Variants in DAB1 observed in about 807,000 individuals in gnomAD.
The protein encoded by DAB1 is disabled homolog 1.
DAB1 carries 15 observed loss-of-function variants against 64.6 expected under a neutral mutation model. The ratio of observed to expected loss-of-function variants is 0.23; its 90% CI spans 0.16 to 0.36. The LOEUF is 0.36. Ranked by LOEUF, DAB1 falls within the 10% of genes least tolerant of loss-of-function variation. DAB1 has a pLI of 1.00. For missense variants in DAB1, 596 were observed against 706.7 expected (o/e 0.84, Z 1.78); for synonymous variants, 235 against 251.9 (o/e 0.93, Z 0.64).
At chr1:58,462,004 A>G (rs1225001201) in intron 3 of DAB1, among the ~76,000 whole-genome samples, 1 of 151,774 alleles carries the variant, frequency 6.6e-6, no homozygotes, top group Non-Finnish European at 1.5e-5. Context: ...TCCATCTGAC[A>G]CTGCAGGCAA....
intron 2 of DAB1, among the ~76,000 whole-genome samples, chr1:57,166,610 A>G (rs1308093846): frequency 6.6e-6 from 1 of 152,136 alleles, no homozygotes; most frequent in African/African-American, 2.4e-5. Flanking sequence ...GTTGTCTGGG[A>G]AAGTTTTGAG....
chr1:57,456,486 G>A (rs181924865), intron 7 of DAB1, among the ~76,000 whole-genome samples: 34 of 152,162 alleles, frequency 2.2e-4, no homozygotes, highest in Admixed American at 1.9e-3. Context: ...AAATAAAAAT[G>A]CTTGATAGAT....
chr1:57,565,615 G>C (rs1229146025), intron 7 of DAB1, among the ~76,000 whole-genome samples: 2 of 152,094 alleles, frequency 1.3e-5, no homozygotes, highest in Non-Finnish European at 2.9e-5. Flanking sequence ...AAAAGGCAGG[G>C]ATTGCAATCC....
In DAB1 at chr1:58,094,585, G is replaced by A. The variant is rs200560604; in HGVS notation, n.387+55926C>T. 1.5e-4 allele frequency among the ~76,000 whole-genome samples: 23 copies of A among 152,284 alleles called. No homozygotes were observed. In the East Asian group the frequency reaches 2.9e-3, roughly 19 times the overall value. On this transcript the variant is annotated intron_variant and non_coding_transcript_variant, in intron 5 of 20. Transcript: ENST00000485760. ...CTGGTTTCTTCAAGTGAAGTTAAAC[G>A]TAGTATCCTCTTCTTAACCACTATT...
intron 1 of DAB1, among the ~76,000 whole-genome samples, chr1:57,394,551 G>A (rs1192603128): frequency 1.3e-5 from 2 of 152,170 alleles, no homozygotes; most frequent in East Asian, 1.9e-4. Flanking sequence ...TTAGGGATTC[G>A]CACAGAAGGA....
chr1:57,613,222 G>A (rs17116122), intron 7 of DAB1, among the ~76,000 whole-genome samples: 3,143 of 152,262 alleles, frequency 0.021, 113 homozygotes, highest in African/African-American at 0.072. Flanking sequence ...TAGTAAAGAA[G>A]TCCAGTTGTG....
At chr1:57,145,690 A>AG (rs1410809133) in intron 2 of DAB1, among the ~76,000 whole-genome samples, 1 of 152,242 alleles carries the variant, frequency 6.6e-6, no homozygotes, top group Admixed American at 6.5e-5. Flanking sequence ...CCACCCCAAC[A>AG]GGGTATTATG....
At chr1:58,116,901 G>A (rs1438781741) in intron 5 of DAB1, among the ~76,000 whole-genome samples, 1 of 152,124 alleles carries the variant, frequency 6.6e-6, no homozygotes, top group African/African-American at 2.4e-5. Context: ...ACAAGGGATG[G>A]TTCTTATTGG....
At chr1:57,666,183 A>G (rs191153526) in intron 6 of DAB1, among the ~76,000 whole-genome samples, 1 of 152,230 alleles carries the variant, frequency 6.6e-6, no homozygotes, top group East Asian at 1.9e-4. Flanking sequence ...GAGCACATTC[A>G]GCTGTAGAAA....
At chr1:57,789,229 C>A (rs1028431224) in intron 6 of DAB1, among the ~76,000 whole-genome samples, 3 of 152,090 alleles carry the variant, frequency 2.0e-5, no homozygotes, top group Non-Finnish European at 4.4e-5. Context: ...AGGGAGAATG[C>A]CAGGTATTCT....
chr1:57,348,493 A>G (rs1416183585), intron 1 of DAB1, among the ~76,000 whole-genome samples: 3 of 152,178 alleles, frequency 2.0e-5, no homozygotes, highest in African/African-American at 7.2e-5. Context: ...CCAGATGCTA[A>G]CTGTGTTTAA....
At chr1:57,847,883 C>T (rs1206524260) in intron 1 of DAB1, among the ~76,000 whole-genome samples, 2 of 152,102 alleles carry the variant, frequency 1.3e-5, no homozygotes, top group African/African-American at 2.4e-5. Flanking sequence ...TACAATGCTC[C>T]AGGCATTGTT....
chr1:58,218,989 TTCTCTCTCTC>T lies in DAB1; in HGVS notation n.310-68411_310-68402del, dbSNP rs1049058578. On this transcript the variant is annotated intron_variant and non_coding_transcript_variant, in intron 4 of 20. Transcript: ENST00000485760. ...GAGTAATCCCCCATAATTCTGGCCA[TTCTCTCTCTC>T]TCTCTCTCTCTCTCTCTCTCTCTCT... Among the ~76,000 whole-genome samples, 4 of 125,852 alleles carry T rather than the reference TTCTCTCTCTC, an allele frequency of 3.2e-5. No homozygotes were observed. In the Admixed American group the frequency reaches 3.2e-4, roughly 10 times the overall value. 82.6% of individuals were successfully genotyped at this position (125,852 alleles called of 152,430 possible). A position where few individuals can be genotyped will look rare whatever the true frequency, so the allele number is the denominator to read the frequency against.
intron 7 of DAB1, among the ~76,000 whole-genome samples, chr1:57,500,609 T>C (rs1041856669): frequency 6.6e-6 from 1 of 152,156 alleles, no homozygotes; most frequent in Non-Finnish European, 1.5e-5. Context: ...AGGGATTTGT[T>C]TGGTAGATGG....
intron 4 of DAB1, among the ~76,000 whole-genome samples, chr1:58,274,082 T>C (rs1248462430): frequency 7.2e-6 from 1 of 138,424 alleles, no homozygotes; most frequent in African/African-American, 2.7e-5. Flanking sequence ...GGAGGAGAGG[T>C]GCTCTGCATT....
intron 4 of DAB1, among the ~76,000 whole-genome samples, chr1:58,264,941 A>G (rs1490408550): frequency 6.6e-6 from 1 of 152,168 alleles, no homozygotes; most frequent in Non-Finnish European, 1.5e-5. Context: ...ACGGTCCTAG[A>G]AGAAAGGTTT....
chr1:57,155,746 G>C (rs1660149771), intron 2 of DAB1, among the ~76,000 whole-genome samples: 1 of 132,940 alleles, frequency 7.5e-6, no homozygotes, highest in Admixed American at 7.4e-5. Context: ...TCAATACAGA[G>C]ATCTTTCTTT....
chr1:58,282,128 G>C (rs888974481), intron 4 of DAB1, among the ~76,000 whole-genome samples: 1 of 152,050 alleles, frequency 6.6e-6, no homozygotes, highest in Non-Finnish European at 1.5e-5. Flanking sequence ...CTTTTCCAGG[G>C]AATAGATCCT....
intron 7 of DAB1, among the ~76,000 whole-genome samples, chr1:57,528,661 C>CACAT (rs58711371): frequency 0.62 from 93,178 of 150,054 alleles, 30,104 homozygotes; most frequent in South Asian, 0.76. Context: ...CACACACACA[C>CACAT]ACACACACAC....
Sources: gnomAD v4.1 joint callset for allele counts (sites outside exome capture counted in the v4.1 genomes callset) on GRCh38, gnomAD v4.1.1 for gene constraint, MANE v1.5 for transcripts, NCBI Gene and HGNC (gene_info 2026-07-23, HGNC 2026-07-21) for gene names.